Variants in SLC14A2 observed in about 807,000 individuals in gnomAD.
The protein encoded by SLC14A2 is urea transporter 2.
A neutral mutation model predicts 104.6 loss-of-function variants in SLC14A2; 91 were observed. That is an observed-to-expected ratio of 0.87 (90% CI 0.73 to 1.04). The LOEUF (loss-of-function observed/expected upper bound fraction) is 1.04. Ranked by LOEUF, SLC14A2 falls within the 50% of genes least tolerant of loss-of-function variation. The pLI is 0.00. For missense variants in SLC14A2, 1,189 were observed against 1,156.0 expected (o/e 1.03, Z -0.41); for synonymous variants, 476 against 466.4 (o/e 1.02, Z -0.27).
intron 1 of SLC14A2, among the ~76,000 whole-genome samples, chr18:45,244,330 G>T (rs931082148): frequency 2.6e-5 from 4 of 152,104 alleles, no homozygotes; most frequent in Non-Finnish European, 5.9e-5. Flanking sequence ...AAAAAAGCCG[G>T]GGGGAGGGGG....
intron 1 of SLC14A2, among the ~76,000 whole-genome samples, chr18:45,255,933 T>G (rs2084473190): frequency 6.6e-6 from 1 of 152,138 alleles, no homozygotes. Flanking sequence ...AAGGCCCGGA[T>G]GTATGCTTTC....
At chr18:45,636,962 A>G in intron 5 of SLC14A2, 28 bp from the exon 6 acceptor site, 1 of 1,592,254 alleles carries the variant, frequency 6.3e-7, no homozygotes, top group South Asian at 1.1e-5. Flanking sequence ...TGTCACAGGG[A>G]TTAACCCTCT....
chr18:45,454,814 A>G (rs1310111390), intron 1 of SLC14A2, among the ~76,000 whole-genome samples: 2 of 152,182 alleles, frequency 1.3e-5, no homozygotes. Flanking sequence ...AGGTGGTTAT[A>G]GATGTGTGGC....
intron 1 of SLC14A2, among the ~76,000 whole-genome samples, chr18:45,368,513 C>A (rs924094262): frequency 2.6e-5 from 4 of 152,208 alleles, no homozygotes; most frequent in African/African-American, 9.6e-5. Flanking sequence ...GAAGAACCCA[C>A]ACTTCCTGCC....
At chr18:45,650,380 A>G (rs1016100472) in intron 10 of SLC14A2, among the ~76,000 whole-genome samples, 2 of 151,834 alleles carry the variant, frequency 1.3e-5, no homozygotes, top group Non-Finnish European at 2.9e-5. Context: ...GCTTCTCACA[A>G]CTCCTGGCCC....
chr18:45,195,255 C>T, the SLC14A2 span, among the ~76,000 whole-genome samples: 1 of 152,232 alleles, frequency 6.6e-6, no homozygotes, highest in African/African-American at 2.4e-5. Context: ...CAATCCAGGA[C>T]GACAAAAGAT....
chr18:45,370,464 A>T (rs905958254), intron 1 of SLC14A2, among the ~76,000 whole-genome samples: 1 of 152,210 alleles, frequency 6.6e-6, no homozygotes, highest in East Asian at 1.9e-4. Context: ...TCAGAGATAA[A>T]TGCAGCCCTC....
chr18:45,514,822 T>G (rs914698038), intron 2 of SLC14A2, among the ~76,000 whole-genome samples: 3 of 152,236 alleles, frequency 2.0e-5, no homozygotes, highest in African/African-American at 7.2e-5. Context: ...CTTTTGCTTA[T>G]ACTGCACTGG....
intron 2 of SLC14A2, among the ~76,000 whole-genome samples, chr18:45,523,818 T>A (rs2043552667): frequency 6.6e-6 from 1 of 152,214 alleles, no homozygotes; most frequent in Non-Finnish European, 1.5e-5. Context: ...GTCGTCCAGA[T>A]CTCTGGCCAC....
At chr18:45,524,114 C>A (rs2043557067) in intron 2 of SLC14A2, among the ~76,000 whole-genome samples, 1 of 152,074 alleles carries the variant, frequency 6.6e-6, no homozygotes, top group Non-Finnish European at 1.5e-5. Context: ...TATAAAGCAC[C>A]TGGATGGAGC....
chr18:45,306,401 A>C (rs1339400695), intron 1 of SLC14A2, among the ~76,000 whole-genome samples: 1 of 152,200 alleles, frequency 6.6e-6, no homozygotes, highest in Non-Finnish European at 1.5e-5. Flanking sequence ...CAGAGAGAAA[A>C]GGTCTGAGGG....
chr18:45,533,618 T>G (rs2043735438), intron 2 of SLC14A2, among the ~76,000 whole-genome samples: 1 of 152,262 alleles, frequency 6.6e-6, no homozygotes, highest in Non-Finnish European at 1.5e-5. Flanking sequence ...GCTAGTGGTC[T>G]ATCAATTTTG....
chr18:45,296,478 G>A (rs1162197367), intron 1 of SLC14A2, among the ~76,000 whole-genome samples: 1 of 152,200 alleles, frequency 6.6e-6, no homozygotes, highest in Non-Finnish European at 1.5e-5. Context: ...AACCTGGTTA[G>A]AACATCTGGC....
intron 5 of SLC14A2, among the ~76,000 whole-genome samples, chr18:45,635,477 T>C (rs1160905991): frequency 1.3e-5 from 2 of 152,086 alleles, no homozygotes; most frequent in African/African-American, 4.8e-5. Context: ...TATTTCAAGA[T>C]GGTGGGCAGG....
intron 1 of SLC14A2, among the ~76,000 whole-genome samples, chr18:45,460,891 A>G (rs2087033734): frequency 6.6e-6 from 1 of 152,162 alleles, no homozygotes; most frequent in South Asian, 2.1e-4. Context: ...AGCTGGAAGG[A>G]AAAAAGGCTT....
intron 2 of SLC14A2, among the ~76,000 whole-genome samples, chr18:45,551,481 C>T (rs755642625): frequency 7.2e-5 from 11 of 152,254 alleles, no homozygotes; most frequent in Non-Finnish European, 1.0e-4. Flanking sequence ...CAGAACTCAA[C>T]CCATTTGGGG....
At chr18:45,588,026 A>G (rs1207157562) in intron 2 of SLC14A2, among the ~76,000 whole-genome samples, 1 of 152,150 alleles carries the variant, frequency 6.6e-6, no homozygotes, top group Non-Finnish European at 1.5e-5. Flanking sequence ...ATGATTGAAA[A>G]TGCCGGATTG....
At chr18:45,207,434 AAG>A in the SLC14A2 span, among the ~76,000 whole-genome samples, 3 of 150,874 alleles carry the variant, frequency 2.0e-5, no homozygotes, top group Non-Finnish European at 4.4e-5. Flanking sequence ...AAAAAAGAGA[AAG>A]AGAAAGCGTA....
rs778180951 is a variant in SLC14A2 at position 45,228,363 on chromosome 18, A to G, written c.-125+15172A>G. On this transcript the variant is annotated intron_variant, in intron 1 of 20. Transcript: ENST00000586448. ...GCTGTTACCACAGGCTTAGGGGTGG[A>G]CTGTGGGAGTCCTCCCTTAGGTGTT... Among the ~76,000 whole-genome samples, 6 of 152,130 alleles carry G rather than the reference A, an allele frequency of 3.9e-5. No homozygotes were observed. The South Asian group carries it at 1.2e-3, about 32-fold the overall frequency.
Sources: gnomAD v4.1 joint callset for allele counts (sites outside exome capture counted in the v4.1 genomes callset) on GRCh38, gnomAD v4.1.1 for gene constraint, MANE v1.5 for transcripts, NCBI Gene and HGNC (gene_info 2026-07-23, HGNC 2026-07-21) for gene names.